CALN1: variants seen among roughly 807,000 people sequenced by gnomAD.
CALN1 encodes the protein calcium-binding protein 8.
A neutral mutation model predicts 30.6 loss-of-function variants in CALN1; 17 were observed. That is an observed-to-expected ratio of 0.56 (90% CI 0.38 to 0.83). CALN1 has a LOEUF of 0.83. Ranked by LOEUF, CALN1 falls within the 40% of genes least tolerant of loss-of-function variation. CALN1 has a pLI of 0.00. For missense variants in CALN1, 291 were observed against 354.9 expected, an observed-to-expected ratio of 0.82 and a Z score of 1.45; for synonymous variants, 156 against 131.4, an observed-to-expected ratio of 1.19 and a Z score of -1.28.
At chr7:72,501,908 C>CAAAAAAAAAAAAA in the CALN1 span, among the ~76,000 whole-genome samples, 2 of 24,734 alleles carry the variant, frequency 8.1e-5, no homozygotes, top group East Asian at 2.0e-3. Context: ...GATTTCGTCT[C>CAAAAAAAAAAAAA]AAAAAAAAAA....
In CALN1 at chr7:72,140,340, A is replaced by G. The variant is rs111727243; in HGVS notation, c.245-34046T>C. ...GGAACAGAGAAAGGGAGAAGGAAGGAAGGGAGGGAGGGAGGGAGGGAGGGA... is the reference window on the plus strand; with the variant it reads ...GGAACAGAGAAAGGGAGAAGGAAGGGAGGGAGGGAGGGAGGGAGGGAGGGA... On this transcript the variant is annotated intron_variant, in intron 3 of 6. Coordinates refer to ENST00000395275, the MANE Select transcript of CALN1 (RefSeq NM_031468.4). 8.8e-3 allele frequency among the ~76,000 whole-genome samples: 572 copies of G among 65,088 alleles called. 6 individuals carry two copies. The highest frequency in any genetic ancestry group is 0.013 in the Non-Finnish European group (376 of 29,328). The allele number at this position is 65,088 out of a possible 152,430, so 42.7% of individuals were successfully genotyped here.
At chr7:72,079,132 G>C (rs1804947063) in intron 4 of CALN1, among the ~76,000 whole-genome samples, 1 of 152,150 alleles carries the variant, frequency 6.6e-6, no homozygotes, top group Non-Finnish European at 1.5e-5. Flanking sequence ...ATTCTTCAAG[G>C]ATGCAAAGCT....
chr7:72,350,105 G>C (rs1262581123), intron 2 of CALN1, among the ~76,000 whole-genome samples: 2 of 152,088 alleles, frequency 1.3e-5, no homozygotes, highest in African/African-American at 4.8e-5. Flanking sequence ...AATCCAGCTA[G>C]AATTGATTTT....
intron 5 of CALN1, among the ~76,000 whole-genome samples, chr7:71,880,691 T>G (rs957164907): frequency 1.3e-5 from 2 of 152,134 alleles, no homozygotes; most frequent in African/African-American, 4.8e-5. Flanking sequence ...GCCCTCTCCC[T>G]CTCTAAAAAT....
intron 3 of CALN1, among the ~76,000 whole-genome samples, chr7:72,181,963 T>C (rs1789842122): frequency 6.6e-6 from 1 of 152,162 alleles, no homozygotes. Flanking sequence ...GTTCAGTGAT[T>C]ATGGGATTAC....
chr7:72,092,589 T>G (rs1361888115), intron 4 of CALN1, among the ~76,000 whole-genome samples: 3 of 136,724 alleles, frequency 2.2e-5, no homozygotes, highest in Non-Finnish European at 4.6e-5. Flanking sequence ...GAACTTGCCC[T>G]GCAATAAAAC....
At chr7:72,359,571 T>G (rs567750651) in intron 2 of CALN1, among the ~76,000 whole-genome samples, 5 of 152,208 alleles carry the variant, frequency 3.3e-5, no homozygotes, top group East Asian at 1.9e-4. Context: ...TATGACACAG[T>G]GAAGATAACA....
intron 3 of CALN1, among the ~76,000 whole-genome samples, chr7:72,268,780 G>A (rs561051239): frequency 1.2e-4 from 13 of 104,770 alleles, no homozygotes; most frequent in African/African-American, 4.1e-4. Context: ...CTGGGCAACA[G>A]AGCAAGACCC....
chr7:72,480,940 TC>T, the CALN1 span, among the ~76,000 whole-genome samples: 1 of 152,132 alleles, frequency 6.6e-6, no homozygotes, highest in Non-Finnish European at 1.5e-5. Flanking sequence ...TAGATGTCTA[TC>T]AATTTTACTT....
intron 5 of CALN1, among the ~76,000 whole-genome samples, chr7:71,970,592 T>G (rs529128352): frequency 6.6e-6 from 1 of 152,200 alleles, no homozygotes; most frequent in South Asian, 2.1e-4. Context: ...ACCTTTTTTT[T>G]TTTTTTGCAG....
intron 5 of CALN1, among the ~76,000 whole-genome samples, chr7:71,992,510 C>T (rs543637442): frequency 7.5e-4 from 114 of 152,260 alleles, no homozygotes; most frequent in African/African-American, 2.6e-3. Flanking sequence ...GTGCACATCA[C>T]CATGCCCGCT....
the CALN1 span, among the ~76,000 whole-genome samples, chr7:72,502,875 G>A: frequency 2.4e-4 from 36 of 152,158 alleles, 1 homozygote; most frequent in East Asian, 1.7e-3. Flanking sequence ...ATTGTAGGCC[G>A]GGTGCAGTGG....
At chr7:72,048,357 T>C (rs922956523) in intron 4 of CALN1, among the ~76,000 whole-genome samples, 1 of 152,052 alleles carries the variant, frequency 6.6e-6, no homozygotes, top group African/African-American at 2.4e-5. Flanking sequence ...TTCTTAATCA[T>C]CCTTTTCAAT....
At chr7:72,059,080 ACTT>A (rs1381276329) in intron 4 of CALN1, among the ~76,000 whole-genome samples, 1 of 152,176 alleles carries the variant, frequency 6.6e-6, no homozygotes. Context: ...GCAGTTGAAA[ACTT>A]CTGGGATTCA....
intron 3 of CALN1, among the ~76,000 whole-genome samples, chr7:72,182,511 G>A (rs964099946): frequency 1.3e-5 from 2 of 152,288 alleles, no homozygotes; most frequent in South Asian, 2.1e-4. Flanking sequence ...CTTGAGGCCA[G>A]GAGTTCGAGA....
chr7:71,794,303 T>C (rs1387472199), intron 6 of CALN1, among the ~76,000 whole-genome samples: 1 of 152,226 alleles, frequency 6.6e-6, no homozygotes, highest in Non-Finnish European at 1.5e-5. Flanking sequence ...CCGAGTGTGG[T>C]GGACAGAACT....
At chr7:72,038,164 C>T (rs978598360) in intron 4 of CALN1, among the ~76,000 whole-genome samples, 3 of 151,314 alleles carry the variant, frequency 2.0e-5, no homozygotes, top group African/African-American at 2.4e-5. Flanking sequence ...TTTATTTAAC[C>T]GAGTCTCGCA....
intron 5 of CALN1, among the ~76,000 whole-genome samples, chr7:72,010,579 A>C (rs1477037116): frequency 1.3e-5 from 2 of 152,134 alleles, no homozygotes; most frequent in Non-Finnish European, 1.5e-5. Flanking sequence ...TGGGAGGCCG[A>C]GGTGGGCGAA....
At chr7:72,375,944 C>T (rs2138760) in intron 2 of CALN1, among the ~76,000 whole-genome samples, 55,591 of 152,052 alleles carry the variant, frequency 0.37, 10,950 homozygotes, top group Admixed American at 0.45. Flanking sequence ...AAACACTTAT[C>T]TACATTTCAC....
Sources: gnomAD v4.1 joint callset for allele counts (sites outside exome capture counted in the v4.1 genomes callset) on GRCh38, gnomAD v4.1.1 for gene constraint, MANE v1.5 for transcripts, NCBI Gene and HGNC (gene_info 2026-07-23, HGNC 2026-07-21) for gene names.